Variants in LRRFIP2 observed in about 807,000 individuals in gnomAD.
LRRFIP2 encodes the protein LRR binding FLII interacting protein 2.
LRRFIP2 carries 109 observed loss-of-function variants against 125.9 expected under a neutral mutation model. That is an observed-to-expected ratio of 0.87 (90% CI 0.74 to 1.01). The LOEUF (loss-of-function observed/expected upper bound fraction) is 1.01. Ranked by LOEUF, LRRFIP2 falls within the 50% of genes least tolerant of loss-of-function variation. The probability of loss-of-function intolerance (pLI) is 0.00; values close to 1 mark genes in which losing one functional copy is unlikely to be tolerated. For missense variants in LRRFIP2, 850 were observed against 862.3 expected (o/e 0.99, Z 0.18); for synonymous variants, 291 against 293.1 (o/e 0.99, Z 0.07).
At chr3:37,128,412 C>T (rs1262435529) in intron 3 of LRRFIP2, among the ~76,000 whole-genome samples, 2 of 152,036 alleles carry the variant, frequency 1.3e-5, no homozygotes, top group Admixed American at 6.6e-5. Context: ...TTCCATATGC[C>T]TATTCTTAAA....
Position 37,053,590 on chromosome 3 carries a change from CATG to C in LRRFIP2, c.*258_*260del. 2 of 394,274 alleles carry C rather than the reference CATG, an allele frequency of 5.1e-6. No homozygotes were observed. The highest frequency in any genetic ancestry group is 4.6e-6 in the Non-Finnish European group (1 of 215,246). 24.4% of individuals were successfully genotyped at this position (394,274 alleles called of 1,614,324 possible). A position where few individuals can be genotyped will look rare whatever the true frequency, so the allele number is the denominator to read the frequency against. ...CAGCTGGGGAAAAACGTTGAGTAAA[CATG>C]ATTCTACAATTACGGAGATAAAAAA... is the stretch of plus-strand genomic sequence containing the variant. On this transcript the variant is annotated 3_prime_UTR_variant, in exon 28 of 28. Coordinates refer to ENST00000336686, the MANE Select transcript of LRRFIP2 (RefSeq NM_006309.4).
intron 21 of LRRFIP2, among the ~76,000 whole-genome samples, chr3:37,070,793 G>A (rs760332111): frequency 1.2e-4 from 18 of 152,046 alleles, no homozygotes; most frequent in Non-Finnish European, 2.1e-4. Context: ...ATTTTAAACT[G>A]AGACATCTGA....
At chr3:37,163,044 C>G (rs1560149930) in intron 1 of LRRFIP2, among the ~76,000 whole-genome samples, 1 of 152,190 alleles carries the variant, frequency 6.6e-6, no homozygotes, top group Non-Finnish European at 1.5e-5. Context: ...AGATATTTAC[C>G]GTAGTATCTT....
chr3:37,058,812 G>A lies in LRRFIP2; in HGVS notation c.1848C>T (p.Asp616=). Residue 616 remains aspartate (D), a synonymous_variant, in exon 25 of 28, where the codon GAC becomes GAT. Transcript: ENST00000336686. The part of the protein sequence containing the change: ...GDLAGLQNGS[D]LQFIEMQRDA... ...TACTCTGCATTTCGATGAACTGCAA[G>A]TCTGAGCCATTCTGCAGTCCTGCCA... The A allele has an allele frequency of 6.2e-7, 1 of 1,614,054 alleles. No homozygotes were observed. The highest frequency in any genetic ancestry group is 1.1e-5 in the South Asian group (1 of 91,086).
At chr3:37,156,470 G>T (rs1278060998) in intron 1 of LRRFIP2, among the ~76,000 whole-genome samples, 1 of 150,370 alleles carries the variant, frequency 6.7e-6, no homozygotes, top group East Asian at 2.0e-4. Flanking sequence ...TCAGGAGATC[G>T]AGACCATCCT....
intron 2 of LRRFIP2, among the ~76,000 whole-genome samples, chr3:37,133,202 G>A (rs768809702): frequency 3.9e-5 from 6 of 152,204 alleles, no homozygotes; most frequent in African/African-American, 1.4e-4. Context: ...TCCAGCCTGG[G>A]CAACAGAGTG....
At chr3:37,126,244 G>C (rs950339412) in intron 4 of LRRFIP2, among the ~76,000 whole-genome samples, 1 of 152,096 alleles carries the variant, frequency 6.6e-6, no homozygotes, top group Non-Finnish European at 1.5e-5. Context: ...TGGCCAGGCT[G>C]GTCTCAAACT....
intron 19 of LRRFIP2, among the ~76,000 whole-genome samples, chr3:37,082,727 T>C (rs1377452541): frequency 6.6e-6 from 1 of 152,188 alleles, no homozygotes; most frequent in Non-Finnish European, 1.5e-5. Flanking sequence ...GCAAACACTT[T>C]CTAACACTTT....
At chr3:37,120,112 T>TC (rs2094960094) in intron 6 of LRRFIP2, among the ~76,000 whole-genome samples, 1 of 150,626 alleles carries the variant, frequency 6.6e-6, no homozygotes, top group African/African-American at 2.4e-5. Context: ...ATTCTTTTTT[T>TC]TTTTTTTTTT....
At chr3:37,152,074 TCAAC>T (rs1423909692) in intron 1 of LRRFIP2, among the ~76,000 whole-genome samples, 1 of 152,096 alleles carries the variant, frequency 6.6e-6, no homozygotes, top group African/African-American at 2.4e-5. Flanking sequence ...CAAGTGCTCA[TCAAC>T]CAACAAGAAG....
Position 37,096,613 on chromosome 3 carries a change from C to A in LRRFIP2, c.918+3G>T. 1 of 1,540,648 alleles carries A rather than the reference C, an allele frequency of 6.5e-7. No individual in the cohort carries two copies. The highest frequency in any genetic ancestry group is 1.2e-5 in the South Asian group (1 of 86,128). On this transcript the variant is annotated splice_donor_region_variant and intron_variant, in intron 16 of 27. Transcript: ENST00000336686. ...AATTTCCCTTAGGAATTTACATACT[C>A]ACTCTTGTATAATTTTCAGCATACT...
intron 7 of LRRFIP2, 81 bp from the exon 8 acceptor site, chr3:37,113,061 T>A (rs2094609365): frequency 1.3e-6 from 1 of 772,892 alleles, no homozygotes; most frequent in Admixed American, 1.9e-5. Context: ...TCAAATTATA[T>A]ACACAAAGGT....
intron 1 of LRRFIP2, chr3:37,154,749 A>C (rs2096132306): frequency 1.3e-5 from 2 of 152,184 alleles, no homozygotes; most frequent in South Asian, 4.2e-4. Flanking sequence ...ATTTTGCCAC[A>C]GTAAAAGTGG....
At chr3:37,128,010 C>G (rs953103234) in intron 3 of LRRFIP2, among the ~76,000 whole-genome samples, 3 of 152,168 alleles carry the variant, frequency 2.0e-5, no homozygotes, top group African/African-American at 7.2e-5. Flanking sequence ...CAACTTCAAA[C>G]TCCCAGGCTC....
chr3:37,093,546 A>G (rs893919050), intron 17 of LRRFIP2, among the ~76,000 whole-genome samples: 1 of 152,128 alleles, frequency 6.6e-6, no homozygotes, highest in Non-Finnish European at 1.5e-5. Context: ...CAAGTTTCTC[A>G]TATTTTCTCC....
intron 1 of LRRFIP2, among the ~76,000 whole-genome samples, chr3:37,161,920 T>C (rs752523341): frequency 6.6e-6 from 1 of 151,856 alleles, no homozygotes; most frequent in Non-Finnish European, 1.5e-5. Context: ...CGGTGGTTCA[T>C]GTCTGTAATC....
chr3:37,134,862 T>C, intron 2 of LRRFIP2: 1 of 1,188,686 alleles, frequency 8.4e-7, no homozygotes, highest in Non-Finnish European at 1.3e-6. Flanking sequence ...TAAGGTTGCA[T>C]GTACAACAAG....
At chr3:37,104,366 T>A (rs934173108) in intron 14 of LRRFIP2, among the ~76,000 whole-genome samples, 2 of 152,246 alleles carry the variant, frequency 1.3e-5, no homozygotes, top group African/African-American at 4.8e-5. Context: ...CTCCACTGCG[T>A]TCCAAGGTGT....
intron 15 of LRRFIP2, among the ~76,000 whole-genome samples, chr3:37,098,613 G>A (rs1339488471): frequency 2.1e-4 from 32 of 151,818 alleles, no homozygotes; most frequent in African/African-American, 7.2e-4. Context: ...GGCTGGTCTC[G>A]AACTCCTGAC....
Sources: allele counts gnomAD v4.1 joint callset (sites outside exome capture counted in the v4.1 genomes callset), GRCh38; gene constraint gnomAD v4.1.1; transcripts MANE v1.5; gene names NCBI Gene and HGNC (gene_info 2026-07-23, HGNC 2026-07-21).